Variants in HNF4A observed in about 807,000 individuals in gnomAD.
HNF4A encodes hepatocyte nuclear factor 4-alpha.
In HNF4A, 15 loss-of-function variants were observed where a neutral mutation model predicts 52.4. The observed-to-expected ratio is 0.29, with a 90% CI of 0.19 to 0.44. The LOEUF (loss-of-function observed/expected upper bound fraction) is 0.44. Among genes scored for constraint, HNF4A ranks in the 20% least tolerant of loss-of-function variants. The pLI, the probability that HNF4A is intolerant of heterozygous loss-of-function variation, is 1.00. For synonymous variants in HNF4A, 280 were observed against 264.4 expected (o/e 1.06, Z -0.57); for missense variants, 479 against 647.2 (o/e 0.74, Z 2.82).
chr20:44,378,776 G>A (rs947396014), intron 1 of HNF4A, among the ~76,000 whole-genome samples: 14 of 151,646 alleles, frequency 9.2e-5, no homozygotes, highest in South Asian at 4.2e-4. Context: ...AAAATTAGCC[G>A]GGCGTGGTGG....
chr20:44,364,301 C>T (rs569698115), intron 1 of HNF4A, among the ~76,000 whole-genome samples: 67 of 152,240 alleles, frequency 4.4e-4, no homozygotes, highest in African/African-American at 1.6e-3. Context: ...CTCAGCCTCC[C>T]AGCCCCTGGG....
At chr20:44,406,629 T>C (rs2063504815) in intron 2 of HNF4A, among the ~76,000 whole-genome samples, 1 of 152,216 alleles carries the variant, frequency 6.6e-6, no homozygotes, top group South Asian at 2.1e-4. Context: ...CCGTTCCACC[T>C]ACCCCAGGGG....
intron 1 of HNF4A, among the ~76,000 whole-genome samples, chr20:44,373,814 T>A (rs921776097): frequency 2.6e-5 from 4 of 151,884 alleles, no homozygotes; most frequent in Admixed American, 2.6e-4. Context: ...CTCAGCCTCC[T>A]GAGTAGCTGG....
chr20:44,357,338 A>G (rs2062869503), intron 1 of HNF4A, among the ~76,000 whole-genome samples: 3 of 152,122 alleles, frequency 2.0e-5, no homozygotes, highest in Admixed American at 2.0e-4. Flanking sequence ...ATTAGAGGAG[A>G]TAGCATAGAG....
rs763229129 is a variant in HNF4A at position 44,429,706 on chromosome 20, C to T, written c.*41C>T. ...TGGGGGCTCCACTGGCTCCCCCCAG[C>T]CCCCTAAGAGAGCACCTGGTGATCA... On this transcript the variant is annotated 3_prime_UTR_variant, in exon 10 of 10. Transcript: ENST00000316099. 1.2e-6 allele frequency: 2 copies of T among 1,605,712 alleles called. No individual in the cohort carries two copies. Among genetic ancestry groups the T allele is most frequent in the Non-Finnish European group, 8.5e-7 (1 of 1,172,650 alleles).
intron 8 of HNF4A, among the ~76,000 whole-genome samples, chr20:44,426,089 G>T (rs923150352): frequency 2.6e-5 from 4 of 152,204 alleles, no homozygotes; most frequent in Non-Finnish European, 5.9e-5. Flanking sequence ...GGGGAAGATG[G>T]AGCCATGGAG....
intron 3 of HNF4A, among the ~76,000 whole-genome samples, chr20:44,408,620 G>A (rs139429101): frequency 1.7e-3 from 262 of 152,204 alleles, no homozygotes; most frequent in African/African-American, 5.9e-3. Flanking sequence ...CTAGCTACTC[G>A]GAAGGCTGAG....
At chr20:44,405,002 T>C (rs370354510) in intron 1 of HNF4A, among the ~76,000 whole-genome samples, 1 of 8,312 alleles carries the variant, frequency 1.2e-4, no homozygotes, top group Admixed American at 1.0e-3. Context: ...TGCTTGTGTG[T>C]GGTGTGTGCG....
chr20:44,416,422 C>T (rs1003818966), intron 5 of HNF4A, among the ~76,000 whole-genome samples: 9 of 152,238 alleles, frequency 5.9e-5, no homozygotes, highest in Admixed American at 2.6e-4. Context: ...AGCAAGTTAG[C>T]GACAGAACTG....
intron 1 of HNF4A, among the ~76,000 whole-genome samples, chr20:44,368,137 TATAC>T (rs1555807457): frequency 1.9e-4 from 8 of 41,542 alleles, no homozygotes; most frequent in African/African-American, 9.3e-4. Flanking sequence ...TGTGTGTGTA[TATAC>T]ATATATATAT....
chr20:44,378,228 G>A (rs571933827), intron 1 of HNF4A, among the ~76,000 whole-genome samples: 1 of 149,562 alleles, frequency 6.7e-6, no homozygotes, highest in African/African-American at 2.5e-5. Flanking sequence ...TTATCAATTT[G>A]TAGGCATTTT....
Position 44,429,529 on chromosome 20 carries a change from C to A in HNF4A, c.1289C>A (p.Pro430His), listed in dbSNP as rs6031602. 2 of 1,614,046 alleles carry A rather than the reference C, an allele frequency of 1.2e-6. No individual in the cohort carries two copies. Among genetic ancestry groups the A allele is most frequent in the Non-Finnish European group, 1.7e-6 (2 of 1,180,040 alleles). The stretch of plus-strand genomic sequence containing the variant: ...TGTCTGTTTGTCCTTCCAGCCACCC[C>A]TGAGACCCCACAGCCCTCACCGCCA... Residue 430 changes from proline (P) to histidine (H), a missense_variant, in exon 10 of 10, where the codon CCT becomes CAT. Physicochemically the swap from Pro to His is moderately conservative, Grantham distance 77. Coordinates refer to ENST00000316099, the MANE Select transcript of HNF4A (RefSeq NM_000457.6).
intron 5 of HNF4A, among the ~76,000 whole-genome samples, chr20:44,417,694 CG>C (rs2063684468): frequency 6.6e-6 from 1 of 152,066 alleles, no homozygotes; most frequent in African/African-American, 2.4e-5. Context: ...ATTTTCAGGC[CG>C]GGCGCAGTGG....
intron 1 of HNF4A, among the ~76,000 whole-genome samples, chr20:44,378,274 T>TC (rs2063108292): frequency 6.6e-6 from 1 of 151,316 alleles, no homozygotes; most frequent in Non-Finnish European, 1.5e-5. Context: ...TGCATGTATT[T>TC]TTTTTTTTTT....
Position 44,388,376 on chromosome 20 carries a change from CCCCCA to C in HNF4A, c.50-17677_50-17673del, listed in dbSNP as rs554363041. On this transcript the variant is annotated intron_variant, in intron 1 of 9. Transcript: ENST00000316673. The stretch of plus-strand genomic sequence containing the variant: ...AGCCTGGAACCTTCCTCAAAGACCC[CCCCCA>C]CCCCCGTACATTGGAACAAGGTGCT... Among the ~76,000 whole-genome samples, 83 of 114,824 alleles carry C rather than the reference CCCCCA, an allele frequency of 7.2e-4. 19 individuals carry two copies. Among genetic ancestry groups the C allele is most frequent in the African/African-American group, 1.5e-3 (31 of 21,252 alleles). 75.3% of individuals were successfully genotyped at this position (114,824 alleles called of 152,430 possible).
At chr20:44,423,938 A>G in intron 7 of HNF4A, 80 bp from the exon 8 acceptor site, 1 of 1,360,650 alleles carries the variant, frequency 7.3e-7, no homozygotes, top group South Asian at 1.2e-5. Flanking sequence ...GATACAAGTC[A>G]GGGGACATCT....
intron 8 of HNF4A, chr20:44,424,517 C>T (rs777272027): frequency 8.6e-6 from 9 of 1,042,730 alleles, no homozygotes; most frequent in Non-Finnish European, 1.3e-5. Context: ...TCTTTGCCCT[C>T]GGGGAGGCTG....
At chr20:44,396,487 T>C (rs557798226), upstream of HNF4A, among the ~76,000 whole-genome samples, 1 of 152,254 alleles carries the variant, frequency 6.6e-6, no homozygotes, top group Non-Finnish European at 1.5e-5. Flanking sequence ...GGTCTCTCTG[T>C]GGGCTCTGAG....
At chr20:44,361,623 A>G (rs1238388560) in intron 1 of HNF4A, among the ~76,000 whole-genome samples, 1 of 152,064 alleles carries the variant, frequency 6.6e-6, no homozygotes, top group Non-Finnish European at 1.5e-5. Flanking sequence ...GGTTGCAGTG[A>G]GCCAAGATCA....
Sources: gnomAD v4.1 joint callset for allele counts (sites outside exome capture counted in the v4.1 genomes callset) on GRCh38, gnomAD v4.1.1 for gene constraint, MANE v1.5 for transcripts, NCBI Gene and HGNC (gene_info 2026-07-23, HGNC 2026-07-21) for gene names.